Variants in TMC7 observed in about 807,000 individuals in gnomAD.
TMC7 encodes the protein transmembrane channel-like protein 7.
TMC7 carries 54 observed loss-of-function variants against 82.9 expected under a neutral mutation model. That is an observed-to-expected ratio of 0.65 (90% CI 0.52 to 0.82). The LOEUF is 0.82. Ranked by LOEUF, TMC7 falls within the 40% of genes least tolerant of loss-of-function variation. The pLI, the probability that TMC7 is intolerant of heterozygous loss-of-function variation, is 0.00. For missense variants in TMC7, 820 were observed against 901.2 expected (o/e 0.91, Z 1.15); for synonymous variants, 350 against 337.9 (o/e 1.04, Z -0.39).
At position 19,037,992 on chromosome 16, in the gene TMC7, CATGCTTTT is replaced by C; in HGVS notation, c.1129_1136del (p.Phe377AsnfsTer53). 6.2e-7 allele frequency: 1 copy of C among 1,614,064 alleles called. No individual in the cohort carries two copies. The highest frequency in any genetic ancestry group is 8.5e-7 in the Non-Finnish European group (1 of 1,180,002). ...TGTATTGTTCTGGCTGTTTTAGGGG[CATGCTTTT>C]ATGCAATATACGTAGCAACTGTCTT... On this transcript the variant is annotated frameshift_variant, in exon 8 of 16. Transcript: ENST00000304381. LOFTEE classifies it high-confidence loss of function.
intron 12 of TMC7, among the ~76,000 whole-genome samples, chr16:19,048,317 C>T (rs1445957886): frequency 6.6e-6 from 1 of 152,012 alleles, no homozygotes; most frequent in Non-Finnish European, 1.5e-5. Flanking sequence ...GTGTAAGACC[C>T]TGGGCGGTTC....
chr16:18,984,330 C>T (rs2038805173), intron 1 of TMC7, 200 bp downstream of exon 1: 1 of 1,300,584 alleles, frequency 7.7e-7, no homozygotes, highest in Non-Finnish European at 9.7e-7. Flanking sequence ...TCATCCAATC[C>T]AGTGGAACCC....
At chr16:18,990,856 A>G (rs767282819) in intron 1 of TMC7, among the ~76,000 whole-genome samples, 1 of 152,134 alleles carries the variant, frequency 6.6e-6, no homozygotes, top group Non-Finnish European at 1.5e-5. Context: ...ACAGATCACA[A>G]TGGTGGAATA....
chr16:19,042,985 A>AG (rs1961091904), intron 9 of TMC7, among the ~76,000 whole-genome samples: 1 of 151,966 alleles, frequency 6.6e-6, no homozygotes. Context: ...TGACCTCGTG[A>AG]TCCGCCCACC....
At chr16:18,986,759 T>A (rs933275477) in intron 1 of TMC7, among the ~76,000 whole-genome samples, 3 of 151,952 alleles carry the variant, frequency 2.0e-5, no homozygotes, top group Admixed American at 6.6e-5. Context: ...TGTTTCTGCC[T>A]CAGGGTCTTT....
At position 18,990,478 on chromosome 16, in the gene TMC7, A is replaced by G. The variant is rs555068069; in HGVS notation, c.67+6348A>G. ...CCCGGCTAATTTTTGTATTTTTAGT[A>G]GAGACAGGGTTTCACCAGATTGGCC... On this transcript the variant is annotated intron_variant, in intron 1 of 15. Coordinates refer to ENST00000304381, the MANE Select transcript of TMC7 (RefSeq NM_024847.4). 3.9e-5 allele frequency among the ~76,000 whole-genome samples: 6 copies of G among 152,290 alleles called. No homozygotes were observed. The East Asian group carries it at 9.6e-4, about 24-fold the overall frequency.
At chr16:19,027,639 C>T (rs1960298746) in intron 5 of TMC7, among the ~76,000 whole-genome samples, 3 of 152,008 alleles carry the variant, frequency 2.0e-5, no homozygotes, top group African/African-American at 7.2e-5. Context: ...CAGCCCTTGG[C>T]AGTATAAACA....
At chr16:19,045,537 C>A in intron 11 of TMC7, 99 bp downstream of exon 11, 1 of 824,090 alleles carries the variant, frequency 1.2e-6, no homozygotes, top group Non-Finnish European at 2.1e-6. Flanking sequence ...CAGCTGCATT[C>A]CAGAAGCTGC....
intron 1 of TMC7, among the ~76,000 whole-genome samples, chr16:18,994,730 A>G (rs1214136793): frequency 1.3e-5 from 2 of 152,170 alleles, no homozygotes; most frequent in African/African-American, 4.8e-5. Flanking sequence ...TAAGGCTCAG[A>G]TCCTGAACTA....
intron 5 of TMC7, among the ~76,000 whole-genome samples, chr16:19,023,412 G>A (rs1164289020): frequency 6.6e-6 from 1 of 151,934 alleles, no homozygotes; most frequent in Non-Finnish European, 1.5e-5. Context: ...TATCACTTTC[G>A]GCCATTGGCC....
intron 13 of TMC7, 25 bp downstream of exon 13, chr16:19,051,841 A>G: frequency 1.2e-6 from 2 of 1,612,760 alleles, no homozygotes; most frequent in Non-Finnish European, 1.7e-6. Flanking sequence ...GTTTTCTAGA[A>G]CATTTCATTG....
At chr16:19,010,145 T>TCCCCTCCCCC (rs2039316015) in intron 2 of TMC7, among the ~76,000 whole-genome samples, 2 of 43,906 alleles carry the variant, frequency 4.6e-5, no homozygotes, top group Non-Finnish European at 8.6e-5. Context: ...TCCCCTCCCC[T>TCCCCTCCCCC]CCCCTCCCCT....
chr16:19,047,979 G>T (rs1168282684), intron 12 of TMC7, among the ~76,000 whole-genome samples: 1 of 152,082 alleles, frequency 6.6e-6, no homozygotes, highest in Non-Finnish European at 1.5e-5. Context: ...GATTACAGGC[G>T]TGAGCCACCG....
At chr16:18,986,414 G>A (rs1402709969) in intron 1 of TMC7, among the ~76,000 whole-genome samples, 1 of 151,600 alleles carries the variant, frequency 6.6e-6, no homozygotes, top group Admixed American at 6.6e-5. Context: ...AAAAAAGATG[G>A]GTATGGCGGC....
intron 6 of TMC7, chr16:19,033,848 G>A (rs1960624247): frequency 6.6e-6 from 1 of 152,162 alleles, no homozygotes; most frequent in Non-Finnish European, 1.5e-5. Flanking sequence ...CTGGATTTGG[G>A]GAAAGCACTC....
intron 1 of TMC7, among the ~76,000 whole-genome samples, chr16:19,002,989 T>C (rs373591259): frequency 6.6e-6 from 1 of 152,218 alleles, no homozygotes; most frequent in East Asian, 1.9e-4. Flanking sequence ...GTCTTGACAC[T>C]CAAGTCTTGG....
chr16:19,005,604 T>C (rs1247010655), intron 1 of TMC7, among the ~76,000 whole-genome samples: 1 of 152,168 alleles, frequency 6.6e-6, no homozygotes. Context: ...AGGCCAGTAT[T>C]TTAAACCAAC....
chr16:19,043,778 G>T (rs952507537), intron 9 of TMC7, among the ~76,000 whole-genome samples: 8 of 152,054 alleles, frequency 5.3e-5, no homozygotes, highest in Non-Finnish European at 1.0e-4. Flanking sequence ...CTCCATGTTG[G>T]TCAGGCTGGT....
In TMC7 at chr16:19,056,668, C is replaced by T. The variant is rs1961788107; in HGVS notation, c.1998C>T (p.Ala666=). The T allele has an allele frequency of 2.5e-6, 4 of 1,614,082 alleles. No individual in the cohort carries two copies. In the African/African-American group the frequency reaches 5.3e-5, roughly 22 times the overall value. The change falls in exon 14 of 16, where the codon GCC becomes GCT. Residue 666 remains alanine, a synonymous_variant. Transcript: ENST00000304381. ...QSFIHGVTSE[A]FAVPFFMIIC... ...TCATCCATGGTGTCACATCCGAAGC[C>T]TTTGCAGTTCCTTTCTTCATGATTA...
Sources: allele counts gnomAD v4.1 joint callset (sites outside exome capture counted in the v4.1 genomes callset), GRCh38; gene constraint gnomAD v4.1.1; transcripts MANE v1.5; gene names NCBI Gene and HGNC (gene_info 2026-07-23, HGNC 2026-07-21).